LRRC63: variants seen among roughly 807,000 people sequenced by gnomAD.
LRRC63 encodes the protein leucine rich repeat containing 63, also known as leucine-rich repeat-containing protein 63.
A neutral mutation model predicts 49.5 loss-of-function variants in LRRC63; 40 were observed. The ratio of observed to expected loss-of-function variants is 0.81; its 90% CI spans 0.63 to 1.05. LRRC63 has a LOEUF of 1.05. Among genes scored for constraint, LRRC63 ranks in the 50% least tolerant of loss-of-function variants. LRRC63 has a pLI of 0.00. For synonymous variants in LRRC63, 191 were observed against 221.1 expected (o/e 0.86, Z 1.21); for missense variants, 636 against 663.1 (o/e 0.96, Z 0.45).
exon 6 of LRRC63, chr13:46,246,548 C>G: frequency 1.4e-6 from 2 of 1,456,940 alleles, no homozygotes; most frequent in South Asian, 1.5e-5. Flanking sequence ...CCTAAATTGT[C>G]CAGACTTAAC....
intron 7 of LRRC63, among the ~76,000 whole-genome samples, chr13:46,256,059 C>G (rs2047504677): frequency 6.6e-6 from 1 of 152,144 alleles, no homozygotes; most frequent in Non-Finnish European, 1.5e-5. Flanking sequence ...TTAATGATGA[C>G]CTCATGTCAC....
At chr13:46,256,440 C>T (rs2047512034) in intron 7 of LRRC63, among the ~76,000 whole-genome samples, 1 of 152,184 alleles carries the variant, frequency 6.6e-6, no homozygotes, top group South Asian at 2.1e-4. Flanking sequence ...GCCAGGAGGG[C>T]AGAAACTGGA....
At chr13:46,272,791 A>G (rs931574343) in intron 9 of LRRC63, among the ~76,000 whole-genome samples, 4 of 152,264 alleles carry the variant, frequency 2.6e-5, no homozygotes, top group African/African-American at 9.6e-5. Context: ...TTTGACATGG[A>G]AAGTTGTCCA....
chr13:46,221,240 G>T (rs935393466), intron 2 of LRRC63, among the ~76,000 whole-genome samples: 2 of 152,046 alleles, frequency 1.3e-5, no homozygotes, highest in African/African-American at 4.8e-5. Flanking sequence ...GACTTTGAAA[G>T]AAAAAAATGA....
intron 7 of LRRC63, among the ~76,000 whole-genome samples, chr13:46,255,044 C>T (rs541522573): frequency 9.2e-5 from 14 of 152,016 alleles, no homozygotes; most frequent in Non-Finnish European, 2.1e-4. Context: ...AATGAATAAA[C>T]AAAATGTGAT....
chr13:46,271,058 G>A (rs117410085), intron 9 of LRRC63, among the ~76,000 whole-genome samples: 4 of 152,178 alleles, frequency 2.6e-5, no homozygotes, highest in East Asian at 1.9e-4. Flanking sequence ...TACCATAAAC[G>A]AATCAAAAAT....
chr13:46,228,691 A>G (rs1488430924), exon 4 of LRRC63: 5 of 1,545,946 alleles, frequency 3.2e-6, no homozygotes, highest in Non-Finnish European at 3.5e-6. Flanking sequence ...AAATGGAAAT[A>G]TAGAAAGTGT....
exon 9 of LRRC63, chr13:46,266,882 T>C (rs772219323): frequency 7.6e-5 from 118 of 1,548,884 alleles, no homozygotes; most frequent in Non-Finnish European, 1.0e-4. Flanking sequence ...CCACAACAAC[T>C]TACTCAAATT....
intron 5 of LRRC63, among the ~76,000 whole-genome samples, chr13:46,238,173 A>G (rs2046956707): frequency 6.6e-6 from 1 of 152,206 alleles, no homozygotes; most frequent in Non-Finnish European, 1.5e-5. Flanking sequence ...AGATTCCTAC[A>G]AAAAGACTGA....
At chr13:46,258,669 A>G (rs577877512) in intron 7 of LRRC63, among the ~76,000 whole-genome samples, 228 of 151,002 alleles carry the variant, frequency 1.5e-3, no homozygotes, top group Middle Eastern at 6.8e-3. Context: ...TTAGCTGGGC[A>G]TGGTGGCGTG....
intron 7 of LRRC63, among the ~76,000 whole-genome samples, chr13:46,258,474 T>G (rs1206863331): frequency 2.0e-5 from 3 of 151,146 alleles, no homozygotes; most frequent in Admixed American, 6.6e-5. Context: ...TTTAGAAAAC[T>G]TATACTTGTC....
intron 7 of LRRC63, among the ~76,000 whole-genome samples, chr13:46,258,533 G>GGA (rs2047556827): frequency 1.3e-5 from 2 of 151,160 alleles, no homozygotes; most frequent in African/African-American, 2.4e-5. Context: ...AAATTGGCTG[G>GGA]GCATGGTGGC....
chr13:46,250,665 A>G (rs1003232236), intron 7 of LRRC63, among the ~76,000 whole-genome samples, 174 bp downstream of exon 7: 1 of 152,014 alleles, frequency 6.6e-6, no homozygotes, highest in African/African-American at 2.4e-5. Context: ...TACCAGCTAC[A>G]TACAGAGCAA....
chr13:46,220,836 C>T (rs2046386275), intron 2 of LRRC63, among the ~76,000 whole-genome samples: 1 of 152,088 alleles, frequency 6.6e-6, no homozygotes, highest in Non-Finnish European at 1.5e-5. Flanking sequence ...GGCACAGTCC[C>T]TCAAGGCTTC....
At chr13:46,247,450 A>C (rs2085483036) in intron 6 of LRRC63, among the ~76,000 whole-genome samples, 1 of 152,164 alleles carries the variant, frequency 6.6e-6, no homozygotes, top group African/African-American at 2.4e-5. Flanking sequence ...ATATTTGTGT[A>C]TCTGCCAAAG....
At position 46,213,138 on chromosome 13, in the gene LRRC63, T is replaced by C; in HGVS notation, c.85+19T>C. On this transcript the variant is annotated intron_variant, in intron 2 of 9. Transcript: ENST00000595396. ...CATACAGGTATGTGTATTAATCAGA[T>C]ATGTGTATTAACATTTATGTATCTT... 7.0e-7 allele frequency: 1 copy of C among 1,426,076 alleles called. No individual in the cohort carries two copies. The highest frequency in any genetic ancestry group is 9.6e-7 in the Non-Finnish European group (1 of 1,044,756). 88.3% of individuals were successfully genotyped at this position (1,426,076 alleles called of 1,614,324 possible).
chr13:46,276,931 T>C (rs1202060943), exon 10 of LRRC63: 5 of 163,350 alleles, frequency 3.1e-5, no homozygotes, highest in Non-Finnish European at 6.4e-5. Context: ...TATATCTGCA[T>C]ATAGTAATTC....
At chr13:46,266,938 A>G (rs1340931631) in exon 9 of LRRC63, 2 of 1,546,384 alleles carry the variant, frequency 1.3e-6, no homozygotes, top group Non-Finnish European at 1.7e-6. Flanking sequence ...ATTTTATGAT[A>G]AGATCCCAGT....
At chr13:46,228,085 T>G (rs1365095659) in exon 3 of LRRC63, 1 of 1,550,958 alleles carries the variant, frequency 6.4e-7, no homozygotes, top group East Asian at 2.4e-5. Context: ...CCTGAACATT[T>G]TAAATCAACT....
Sources: gnomAD v4.1 joint callset for allele counts (sites outside exome capture counted in the v4.1 genomes callset) on GRCh38, gnomAD v4.1.1 for gene constraint, MANE v1.5 for transcripts, NCBI Gene and HGNC (gene_info 2026-07-23, HGNC 2026-07-21) for gene names.